The following NR6A1 variants were observed in gnomAD, a reference collection of about 807,000 sequenced individuals.
NR6A1 encodes the protein nuclear receptor subfamily 6 group A member 1.
Under a neutral mutation model 59.1 loss-of-function variants are expected in NR6A1, and 7 were observed. The ratio of observed to expected loss-of-function variants is 0.12; its 90% CI spans 0.07 to 0.22. The LOEUF (loss-of-function observed/expected upper bound fraction) is 0.22. Ranked by LOEUF, NR6A1 falls within the 10% of genes least tolerant of loss-of-function variation. NR6A1 has a pLI of 1.00. For synonymous variants in NR6A1, 243 were observed against 236.1 expected, an observed-to-expected ratio of 1.03 and a Z score of -0.27; for missense variants, 468 against 611.6, an observed-to-expected ratio of 0.77 and a Z score of 2.48.
chr9:124,762,735 T>C (rs964945095), intron 1 of NR6A1, among the ~76,000 whole-genome samples: 1 of 152,226 alleles, frequency 6.6e-6, no homozygotes, highest in Non-Finnish European at 1.5e-5. Flanking sequence ...ATATCACACA[T>C]AGATCTTTTG....
chr9:124,698,081 G>A (rs1838824886), intron 2 of NR6A1, among the ~76,000 whole-genome samples: 1 of 152,110 alleles, frequency 6.6e-6, no homozygotes, highest in Non-Finnish European at 1.5e-5. Context: ...AAGCAAAGAC[G>A]TTAACAACTG....
At position 124,520,883 on chromosome 9, in the gene NR6A1, G is replaced by C. The variant is rs1478594701; in HGVS notation, c.*1822C>G. On this transcript the variant is annotated 3_prime_UTR_variant, in exon 10 of 10. Coordinates refer to ENST00000487099, the MANE Select transcript of NR6A1 (RefSeq NM_033334.4). ...TCCTTCTCAGAGCAACTGGGGAAAC[G>C]GCATTGAGGAGTAATGTTCCGAGTT... 6.6e-6 allele frequency: 1 copy of C among 152,210 alleles called. No individual in the cohort carries two copies. Among genetic ancestry groups the C allele is most frequent in the Non-Finnish European group, 1.5e-5 (1 of 68,040 alleles). 9.4% of individuals were successfully genotyped at this position (152,210 alleles called of 1,614,324 possible). A position where few individuals can be genotyped will look rare whatever the true frequency, so the allele number is the denominator to read the frequency against.
intron 2 of NR6A1, among the ~76,000 whole-genome samples, chr9:124,564,647 T>C (rs1332240245): frequency 1.3e-5 from 2 of 151,742 alleles, no homozygotes; most frequent in African/African-American, 2.4e-5. Context: ...TAGAGGTCTA[T>C]AGATTCAGTA....
chr9:124,656,986 G>GA (rs1457212739), intron 2 of NR6A1, among the ~76,000 whole-genome samples: 1 of 152,042 alleles, frequency 6.6e-6, no homozygotes, highest in Non-Finnish European at 1.5e-5. Flanking sequence ...GGATGGTGGT[G>GA]AAGGCTGCAA....
At chr9:124,560,733 G>C (rs2131401203) in intron 2 of NR6A1, among the ~76,000 whole-genome samples, 1 of 152,072 alleles carries the variant, frequency 6.6e-6, no homozygotes, top group East Asian at 1.9e-4. Flanking sequence ...GCTAATTTTT[G>C]TATTTTTAGT....
chr9:124,759,714 T>C lies in NR6A1; in HGVS notation c.100+11306A>G, dbSNP rs1840735425. Among the ~76,000 whole-genome samples, 5 of 152,160 alleles carry C rather than the reference T, an allele frequency of 3.3e-5. No individual in the cohort carries two copies. The South Asian group carries it at 1.0e-3, about 32-fold the overall frequency. On this transcript the variant is annotated intron_variant, in intron 1 of 9. Coordinates refer to ENST00000487099, the MANE Select transcript of NR6A1 (RefSeq NM_033334.4). ...GGTTCACCGAAGATTGTCCCTGATT[T>C]GGCAAAATTGTTTTCTGGCCAAAGG...
rs1841151233 is a variant in NR6A1, at chr9:124,771,197, C to A, written c.-78G>T. 8 of 832,214 alleles carry A rather than the reference C, an allele frequency of 9.6e-6. No homozygotes were observed. The highest frequency in any genetic ancestry group is 9.6e-6 in the Non-Finnish European group (6 of 622,490). 51.6% of individuals were successfully genotyped at this position (832,214 alleles called of 1,614,324 possible). On this transcript the variant is annotated 5_prime_UTR_variant, in exon 1 of 10. Transcript: ENST00000487099. ...CCTAGTCGCCGTGGTCGTCGTCCGC[C>A]GAGGGGAGGAGGTTGTCAGGAGCCC...
chr9:124,584,205 T>C (rs1834854014), intron 2 of NR6A1, among the ~76,000 whole-genome samples: 1 of 151,768 alleles, frequency 6.6e-6, no homozygotes, highest in African/African-American at 2.4e-5. Context: ...CCTCCCACGT[T>C]CAAGCGATTC....
chr9:124,572,617 AG>A (rs1388287564), intron 2 of NR6A1, among the ~76,000 whole-genome samples: 1 of 152,200 alleles, frequency 6.6e-6, no homozygotes, highest in African/African-American at 2.4e-5. Flanking sequence ...TTAGTGGAGG[AG>A]ATCTGTGGTA....
intron 2 of NR6A1, among the ~76,000 whole-genome samples, chr9:124,626,229 C>T (rs902565488): frequency 6.6e-6 from 1 of 152,188 alleles, no homozygotes; most frequent in African/African-American, 2.4e-5. Context: ...TGGTCTTGAA[C>T]TCCTGACCTC....
chr9:124,545,881 T>C (rs750213744), intron 3 of NR6A1, among the ~76,000 whole-genome samples: 23 of 152,296 alleles, frequency 1.5e-4, no homozygotes, highest in Non-Finnish European at 3.1e-4. Context: ...TTTGGAAGGC[T>C]GAGGAGGGCA....
intron 2 of NR6A1, among the ~76,000 whole-genome samples, chr9:124,663,506 CA>C (rs1167825949): frequency 2.0e-5 from 3 of 152,072 alleles, no homozygotes; most frequent in African/African-American, 7.2e-5. Context: ...TCATAAAATA[CA>C]AATATCAATC....
At chr9:124,661,324 C>T (rs115194630) in intron 2 of NR6A1, among the ~76,000 whole-genome samples, 1,663 of 152,214 alleles carry the variant, frequency 0.011, 29 homozygotes, top group African/African-American at 0.038. Flanking sequence ...TCTCAAGAAA[C>T]GAGCAGGGGG....
At chr9:124,559,174 T>C (rs1311871254) in intron 2 of NR6A1, among the ~76,000 whole-genome samples, 1 of 152,158 alleles carries the variant, frequency 6.6e-6, no homozygotes, top group African/African-American at 2.4e-5. Context: ...ATCTGGAATC[T>C]TAAGAGTTAG....
At chr9:124,655,657 T>C (rs1458023669) in intron 2 of NR6A1, among the ~76,000 whole-genome samples, 4 of 152,048 alleles carry the variant, frequency 2.6e-5, no homozygotes, top group Non-Finnish European at 5.9e-5. Flanking sequence ...AGGAATATAG[T>C]ATGTATTAGG....
At chr9:124,610,428 C>G (rs1343936747) in intron 2 of NR6A1, among the ~76,000 whole-genome samples, 1 of 152,110 alleles carries the variant, frequency 6.6e-6, no homozygotes, top group African/African-American at 2.4e-5. Flanking sequence ...GTTAAACTAG[C>G]CTTGCATCCT....
At chr9:124,523,595 T>A (rs534156109) in intron 9 of NR6A1, among the ~76,000 whole-genome samples, 2 of 150,936 alleles carry the variant, frequency 1.3e-5, no homozygotes, top group East Asian at 3.9e-4. Context: ...TGGAGGAGAG[T>A]GGCATGTAAT....
chr9:124,538,130 G>T lies in NR6A1; in HGVS notation c.786C>A (p.Asp262Glu). The T allele has an allele frequency of 1.2e-6, 2 of 1,613,808 alleles. No individual in the cohort carries two copies. Among genetic ancestry groups the T allele is most frequent in the Admixed American group, 1.7e-5 (1 of 60,018 alleles). ...SLIHQLLSAE[D>E]LEPLGTPMLI... ...ACATGGGCGTGCCCAATGGTTCCAG[G>T]TCCTCGGCTGATAACAGCTGGTGAA... Residue 262 changes from aspartate (D) to glutamate (E), a missense_variant, in exon 6 of 10, where the codon GAC (aspartate) becomes GAA (glutamate). This residue lies in a region of NR6A1 where 151 missense variants were observed against 142.8 expected (regional missense o/e 1.06). Transcript: ENST00000487099.
At chr9:124,565,124 A>C (rs548898052) in intron 2 of NR6A1, among the ~76,000 whole-genome samples, 1 of 152,264 alleles carries the variant, frequency 6.6e-6, no homozygotes, top group Admixed American at 6.5e-5. Context: ...AGTTATAAAG[A>C]GATTTTAAAA....
Sources: gnomAD v4.1 joint callset for allele counts (sites outside exome capture counted in the v4.1 genomes callset) on GRCh38, gnomAD v4.1.1 for gene constraint, gnomAD v4.1.1 regional missense constraint, MANE v1.5 for transcripts, NCBI Gene and HGNC (gene_info 2026-07-23, HGNC 2026-07-21) for gene names.